Variants in MYO5A observed in about 807,000 individuals in gnomAD.
MYO5A encodes the protein myosin VA, also known as unconventional myosin-Va.
Under a neutral mutation model 249.7 loss-of-function variants are expected in MYO5A, and 98 were observed. That is an observed-to-expected ratio of 0.39 (90% confidence interval 0.33 to 0.46). The LOEUF (loss-of-function observed/expected upper bound fraction) is 0.46, where lower values mean the gene tolerates loss of function less well. Ranked by LOEUF, MYO5A falls within the 20% of genes least tolerant of loss-of-function variation. The pLI, the probability that MYO5A is intolerant of heterozygous loss-of-function variation, is 0.98. For missense variants in MYO5A, 1,696 were observed against 2,308.8 expected (o/e 0.73, Z 5.44); for synonymous variants, 778 against 810.6 (o/e 0.96, Z 0.68).
chr15:52,367,795 C>G (rs1596353190), intron 22 of MYO5A, among the ~76,000 whole-genome samples: 1 of 151,464 alleles, frequency 6.6e-6, no homozygotes, highest in East Asian at 1.9e-4. Flanking sequence ...ACAACAATGT[C>G]AATGTACTTA....
intron 30 of MYO5A, 76 bp from the exon 31 acceptor site, chr15:52,343,273 A>G (rs552744109): frequency 1.7e-6 from 2 of 1,159,034 alleles, no homozygotes; most frequent in Admixed American, 3.4e-5. Flanking sequence ...GGTCAACAGC[A>G]GCATGCAGTA....
At chr15:52,331,091 T>G (rs1443392030) in intron 34 of MYO5A, among the ~76,000 whole-genome samples, 1 of 152,220 alleles carries the variant, frequency 6.6e-6, no homozygotes, top group East Asian at 1.9e-4. Flanking sequence ...CACAAAGGCC[T>G]CATATGGCAA....
chr15:52,503,321 T>C (rs1405415795), intron 1 of MYO5A, among the ~76,000 whole-genome samples: 2 of 152,102 alleles, frequency 1.3e-5, no homozygotes, highest in Non-Finnish European at 2.9e-5. Flanking sequence ...CTATTATGTA[T>C]CAATAAAAAA....
intron 2 of MYO5A, among the ~76,000 whole-genome samples, chr15:52,432,726 T>A (rs764721103): frequency 1.3e-5 from 2 of 152,198 alleles, no homozygotes; most frequent in Non-Finnish European, 2.9e-5. Context: ...TAGTTTGGTA[T>A]TAAAAGCCCT....
chr15:52,392,580 T>A, intron 11 of MYO5A, among the ~76,000 whole-genome samples: 1 of 152,244 alleles, frequency 6.6e-6, no homozygotes, highest in East Asian at 1.9e-4. Flanking sequence ...CTGCCCTGAT[T>A]ATCTGTGATA....
chr15:52,496,824 G>A (rs2077046912), intron 1 of MYO5A, among the ~76,000 whole-genome samples: 4 of 152,192 alleles, frequency 2.6e-5, no homozygotes, highest in Admixed American at 2.6e-4. Flanking sequence ...AACCCCATGA[G>A]GTGCTGTGAA....
At chr15:52,366,629 C>CAAAAAAAAAAAAAA (rs60631867) in intron 23 of MYO5A, among the ~76,000 whole-genome samples, 2 of 74,552 alleles carry the variant, frequency 2.7e-5, no homozygotes, top group Non-Finnish European at 5.8e-5. Flanking sequence ...ATTGATTTAG[C>CAAAAAAAAAAAAAA]AAAAAAAAAA....
chr15:52,404,137 C>G (rs1399787994), intron 9 of MYO5A, among the ~76,000 whole-genome samples: 1 of 151,974 alleles, frequency 6.6e-6, no homozygotes, highest in Non-Finnish European at 1.5e-5. Flanking sequence ...TGGTGGTGTA[C>G]ACCTGTGGTC....
chr15:52,404,057 C>T (rs936441060), intron 9 of MYO5A, among the ~76,000 whole-genome samples: 10 of 152,010 alleles, frequency 6.6e-5, no homozygotes, highest in Non-Finnish European at 1.0e-4. Context: ...TCTGAGGTCA[C>T]GAGTTCAAGA....
At chr15:52,381,559 T>C (rs962035565) in intron 16 of MYO5A, among the ~76,000 whole-genome samples, 82 of 152,298 alleles carry the variant, frequency 5.4e-4, no homozygotes, top group African/African-American at 1.9e-3. Flanking sequence ...GCACAGGATG[T>C]TTATTATAGC....
In MYO5A at chr15:52,369,869, CTT is replaced by C. The variant is rs5812601; in HGVS notation, c.3066+298_3066+299del. 0.042 allele frequency among the ~76,000 whole-genome samples: 3,983 copies of C among 93,800 alleles called. 230 individuals are homozygous for C. The highest frequency in any genetic ancestry group is 0.13 in the African/African-American group (3,676 of 27,374). The allele number at this position is 93,800 out of a possible 152,430, so 61.5% of individuals were successfully genotyped here. A position where few individuals can be genotyped will look rare whatever the true frequency, so the allele number is the denominator to read the frequency against. On this transcript the variant is annotated intron_variant, in intron 22 of 41. Transcript: ENST00000399233. Reference sequence around the variant, plus strand: ...AAAAGGAGTCTATGCCCCAGACTGACTTTTTTTTTTTTTTTTTTTTTTTAATA... The same window carrying C: ...AAAAGGAGTCTATGCCCCAGACTGACTTTTTTTTTTTTTTTTTTTTTAATA...
intron 32 of MYO5A, among the ~76,000 whole-genome samples, chr15:52,339,523 G>GA (rs993781926): frequency 1.8e-4 from 22 of 122,962 alleles, no homozygotes; most frequent in African/African-American, 2.4e-4. Flanking sequence ...TTTGGCAAAA[G>GA]AAAAAAAAAA....
Position 52,351,269 on chromosome 15 carries a change from C to A in MYO5A, c.3834G>T (p.Glu1278Asp). The change falls in exon 28 of 42, where the codon GAG becomes GAT. Residue 1278 changes from glutamate (E) to aspartate (D), a missense_variant. By Grantham distance (45) the Glu-to-Asp change is conservative (BLOSUM62 2). Coordinates refer to ENST00000399233, the MANE Select transcript of MYO5A (RefSeq NM_001382347.1). The stretch of plus-strand genomic sequence containing the variant: ...TTGCGCTTACCTTGGGTTGGATGGC[C>A]TCTTTCTGGCTCACCAGTTGAGACC... The part of the protein sequence containing the change: ...ILRSQLVSQK[E>D]AIQPKDDKNT... 6.2e-7 allele frequency: 1 copy of A among 1,614,152 alleles called. No homozygotes were observed. Among genetic ancestry groups the A allele is most frequent in the East Asian group, 2.2e-5 (1 of 44,878 alleles).
At chr15:52,388,600 C>T (rs576397612) in intron 13 of MYO5A, among the ~76,000 whole-genome samples, 22 of 152,180 alleles carry the variant, frequency 1.4e-4, no homozygotes, top group Admixed American at 1.4e-3. Flanking sequence ...ACCCCAAAGC[C>T]TACATCACAG....
Position 52,375,395 on chromosome 15 carries a change from A to AC in MYO5A, c.2485dup (p.Val829GlyfsTer9). 6.2e-7 allele frequency: 1 copy of AC among 1,614,204 alleles called. No individual in the cohort carries two copies. ...TCTAATCTTGTACCTCCTGCGGACC[A>AC]CATACATGCGCCAGTACTTTTGAAT... On this transcript the variant is annotated frameshift_variant, in exon 20 of 42. Transcript: ENST00000399233. LOFTEE classifies it high-confidence loss of function.
chr15:52,472,673 C>G (rs949622200), intron 1 of MYO5A, among the ~76,000 whole-genome samples: 8 of 152,106 alleles, frequency 5.3e-5, no homozygotes, highest in South Asian at 2.1e-4. Flanking sequence ...ATAGTTTGCT[C>G]AGAATGATGG....
chr15:52,378,560 C>T (rs1193088194), intron 18 of MYO5A, among the ~76,000 whole-genome samples: 47 of 105,374 alleles, frequency 4.5e-4, no homozygotes, highest in African/African-American at 1.4e-3. Flanking sequence ...CTCAAAAAGC[C>T]CCAGTTAAAA....
chr15:52,512,019 C>T (rs1347650414), intron 1 of MYO5A, among the ~76,000 whole-genome samples: 1 of 151,980 alleles, frequency 6.6e-6, no homozygotes, highest in Admixed American at 6.6e-5. Flanking sequence ...AAAAATTAGC[C>T]GGGCGTGGTG....
At chr15:52,518,151 G>A (rs2077533244) in intron 1 of MYO5A, among the ~76,000 whole-genome samples, 1 of 151,018 alleles carries the variant, frequency 6.6e-6, no homozygotes, top group African/African-American at 2.4e-5. Flanking sequence ...AGCAATGTCT[G>A]TAGGCAATAT....
Sources: gnomAD v4.1 joint callset for allele counts (sites outside exome capture counted in the v4.1 genomes callset) on GRCh38, gnomAD v4.1.1 for gene constraint, MANE v1.5 for transcripts, NCBI Gene and HGNC (gene_info 2026-07-23, HGNC 2026-07-21) for gene names.